ZNF211: variants seen among roughly 807,000 people sequenced by gnomAD.
The protein encoded by ZNF211 is zinc finger protein C2H2-25.
ZNF211 carries 18 observed loss-of-function variants against 12.1 expected under a neutral mutation model. The observed-to-expected ratio is 1.48, with a 90% CI of 1.03 to 2.20. The LOEUF is 2.20. Ranked by LOEUF, ZNF211 falls within the 30% of genes most tolerant of loss-of-function variation. ZNF211 has a pLI of 0.00. For missense variants in ZNF211, 677 were observed against 703.1 expected, an observed-to-expected ratio of 0.96 and a Z score of 0.42; for synonymous variants, 249 against 246.0, an observed-to-expected ratio of 1.01 and a Z score of -0.11.
At position 57,634,619 on chromosome 19, in the gene ZNF211, A is replaced by G. The variant is rs574455900; in HGVS notation, c.130-10A>G. 2 of 1,564,542 alleles carry G rather than the reference A, an allele frequency of 1.3e-6. No homozygotes were observed. Among genetic ancestry groups the G allele is most frequent in the East Asian group, 2.4e-5 (1 of 42,486 alleles). ...ACTGTTCATGGTTTCATCAATCCCT[A>G]TTATGCTAGGGAAGTGTGACCTTTG... On this transcript the variant is annotated splice_polypyrimidine_tract_variant and intron_variant, in intron 2 of 3. Coordinates refer to ENST00000240731, the MANE Select transcript of ZNF211 (RefSeq NM_006385.5).
Position 57,643,816 on chromosome 19 carries a change from T to C in ZNF211, c.*1635T>C, listed in dbSNP as rs1299750618. On this transcript the variant is annotated 3_prime_UTR_variant, in exon 4 of 4. Coordinates refer to ENST00000240731, the MANE Select transcript of ZNF211 (RefSeq NM_006385.5). ...CCTTCATTTATAATAGGTTTGTTTG[T>C]ATTTTCTATAATATATGATTTTATT... 6.6e-6 allele frequency among the ~76,000 whole-genome samples: 1 copy of C among 152,256 alleles called. No individual in the cohort carries two copies. Among genetic ancestry groups the C allele is most frequent in the Non-Finnish European group, 1.5e-5 (1 of 68,048 alleles).
intron 3 of ZNF211, among the ~76,000 whole-genome samples, chr19:57,635,706 G>A (rs1982040558): frequency 6.6e-6 from 1 of 152,196 alleles, no homozygotes; most frequent in African/African-American, 2.4e-5. Context: ...TGGGTGTACA[G>A]ATACGTATTT....
chr19:57,641,888 C>T lies in ZNF211; in HGVS notation c.1441C>T (p.Leu481Phe). 1 of 1,614,192 alleles carries T rather than the reference C, an allele frequency of 6.2e-7. No homozygotes were observed. Among genetic ancestry groups the T allele is most frequent in the South Asian group, 1.1e-5 (1 of 91,088 alleles). Residue 481 changes from leucine (L) to phenylalanine (F), a missense_variant, in exon 4 of 4, where the codon CTT (leucine) becomes TTT (phenylalanine). Transcript: ENST00000240731. The stretch of plus-strand genomic sequence containing the variant: ...GAAATCCTTTAGCCATAGCTCCAAC[C>T]TTAAGAACCACCAGAGAGTTCACAC... ...CGKSFSHSSN[L>F]KNHQRVHTGE...
chr19:57,637,461 C>A (rs535863181), intron 3 of ZNF211, among the ~76,000 whole-genome samples: 45 of 152,200 alleles, frequency 3.0e-4, no homozygotes, highest in African/African-American at 8.9e-4. Flanking sequence ...TGCTATGTTA[C>A]ACAGGCTGGT....
intron 3 of ZNF211, among the ~76,000 whole-genome samples, chr19:57,638,253 T>G (rs1252565301): frequency 9.8e-6 from 1 of 101,608 alleles, no homozygotes; most frequent in Non-Finnish European, 2.0e-5. Flanking sequence ...TTTTGTTGAT[T>G]TTTTTTTTAT....
At position 57,641,404 on chromosome 19, in the gene ZNF211, T is replaced by C; in HGVS notation, c.957T>C (p.Val319=). 6.2e-7 allele frequency: 1 copy of C among 1,611,438 alleles called. No individual in the cohort carries two copies. Among genetic ancestry groups the C allele is most frequent in the Non-Finnish European group, 8.5e-7 (1 of 1,178,068 alleles). Residue 319 remains valine (V), a synonymous_variant, in exon 4 of 4, where the codon GTT becomes GTC. Transcript: ENST00000240731. ...CCAGTTTCATTATACATCAGAGAGT[T>C]CATACTGGAGAAAGGCCTTATGCGT... The part of the protein sequence containing the change: ...YYSSFIIHQR[V]HTGERPYACP...
At position 57,642,648 on chromosome 19, in the gene ZNF211, A is replaced by T. The variant is rs1403010968; in HGVS notation, c.*467A>T. ...CAAGAAGGACTGTCTTTTTCAAGACATACTGGTTTCATGTGACACCTCCAT... is the reference window on the plus strand; with the variant it reads ...CAAGAAGGACTGTCTTTTTCAAGACTTACTGGTTTCATGTGACACCTCCAT... On this transcript the variant is annotated 3_prime_UTR_variant, in exon 4 of 4. Transcript: ENST00000240731. 1 of 156,104 alleles carries T rather than the reference A, an allele frequency of 6.4e-6. No homozygotes were observed. Among genetic ancestry groups the T allele is most frequent in the African/African-American group, 2.4e-5 (1 of 41,556 alleles). The allele number at this position is 156,104 out of a possible 1,614,324, so 9.7% of individuals were successfully genotyped here.
intron 3 of ZNF211, among the ~76,000 whole-genome samples, chr19:57,639,035 CT>C (rs1982504076): frequency 1.3e-5 from 2 of 151,932 alleles, no homozygotes; most frequent in South Asian, 4.1e-4. Flanking sequence ...CTCTTTTTTG[CT>C]TGCTATTTGC....
At chr19:57,638,946 A>G (rs1385474977) in intron 3 of ZNF211, among the ~76,000 whole-genome samples, 1 of 152,198 alleles carries the variant, frequency 6.6e-6, no homozygotes, top group Non-Finnish European at 1.5e-5. Context: ...TTTTATTAGT[A>G]TATAATATCC....
In ZNF211 at chr19:57,633,270, G is replaced by C; in HGVS notation, c.-77G>C. ...TGGTACGCTGCATCGGGATCGAAGTGACGGACCGTGAAGGCGCGAGAGTCA... is the reference window on the plus strand; with the variant it reads ...TGGTACGCTGCATCGGGATCGAAGTCACGGACCGTGAAGGCGCGAGAGTCA... On this transcript the variant is annotated 5_prime_UTR_variant, in exon 1 of 4. Coordinates refer to ENST00000240731, the MANE Select transcript of ZNF211 (RefSeq NM_006385.5). The C allele has an allele frequency of 1.5e-6, 2 of 1,353,706 alleles. No individual in the cohort carries two copies. The highest frequency in any genetic ancestry group is 2.0e-6 in the Non-Finnish European group (2 of 1,015,576). 83.9% of individuals were successfully genotyped at this position (1,353,706 alleles called of 1,614,324 possible).
rs1424508076 is a variant in ZNF211 at position 57,633,595 on chromosome 19, A to C, written c.90+159A>C. The stretch of plus-strand genomic sequence containing the variant: ...GATGTGGTGGGCAGGGGGACAAGGG[A>C]CAGGACCGGCGCGTGCAGGGCTTGG... On this transcript the variant is annotated intron_variant, in intron 1 of 3. Transcript: ENST00000240731. 9.2e-6 allele frequency: 14 copies of C among 1,524,894 alleles called. No individual in the cohort carries two copies. The East Asian group carries it at 3.2e-4, about 35-fold the overall frequency. The allele number at this position is 1,524,894 out of a possible 1,614,324, so 94.5% of individuals were successfully genotyped here. A position where few individuals can be genotyped will look rare whatever the true frequency, so the allele number is the denominator to read the frequency against.
At position 57,633,686 on chromosome 19, in the gene ZNF211, T is replaced by C. The variant is rs1026671851; in HGVS notation, c.90+250T>C. 2.2e-5 allele frequency: 33 copies of C among 1,533,854 alleles called. No homozygotes were observed. The East Asian group carries it at 6.4e-4, about 30-fold the overall frequency. On this transcript the variant is annotated intron_variant, in intron 1 of 3. Transcript: ENST00000240731. ...ACATTGTTACTGCAGGGAACAAAGT[T>C]TGAGAGAGATCTACCTTTATTCTTA...
Position 57,641,910 on chromosome 19 carries a change from A to C in ZNF211, c.1463A>C (p.His488Pro). The change falls in exon 4 of 4, where the codon CAC becomes CCC. Residue 488 changes from histidine (H) to proline (P), a missense_variant. By Grantham distance (77) the His-to-Pro change is moderately conservative. Coordinates refer to ENST00000240731, the MANE Select transcript of ZNF211 (RefSeq NM_006385.5). ...AACCTTAAGAACCACCAGAGAGTTC[A>C]CACTGGAGAAAGACCTGTTGAGTGC... ...SSNLKNHQRVHTGERPVECSE... is the reference protein window; with the variant it reads ...SSNLKNHQRVPTGERPVECSE... 6.2e-7 allele frequency: 1 copy of C among 1,614,236 alleles called. No homozygotes were observed. Among genetic ancestry groups the C allele is most frequent in the Non-Finnish European group, 8.5e-7 (1 of 1,180,038 alleles).
At chr19:57,637,950 G>A (rs1982353907) in intron 3 of ZNF211, among the ~76,000 whole-genome samples, 1 of 148,630 alleles carries the variant, frequency 6.7e-6, no homozygotes. Context: ...CCAGGCTAGA[G>A]TGCAGTGGTG....
chr19:57,633,470 G>A, intron 1 of ZNF211, 34 bp downstream of exon 1: 1 of 1,565,094 alleles, frequency 6.4e-7, no homozygotes, highest in Admixed American at 1.9e-5. Context: ...TCCCCCGGCC[G>A]AGATTCTTAA....
In ZNF211 at chr19:57,641,153, T is replaced by C; in HGVS notation, c.706T>C (p.Tyr236His). ...NNSNKCAVAF[Y>H]SGKSHHNWGK... ...CAGTAACAAGTGTGCGGTGGCCTTTTACAGTGGAAAAAGTCATCACAACTG... is the reference window on the plus strand; with the variant it reads ...CAGTAACAAGTGTGCGGTGGCCTTTCACAGTGGAAAAAGTCATCACAACTG... Residue 236 changes from tyrosine (Y) to histidine (H), a missense_variant, in exon 4 of 4, where the codon TAC (tyrosine) becomes CAC (histidine). Transcript: ENST00000240731. The C allele has an allele frequency of 6.2e-7, 1 of 1,614,164 alleles. No individual in the cohort carries two copies. The highest frequency in any genetic ancestry group is 8.5e-7 in the Non-Finnish European group (1 of 1,180,026).
In ZNF211 at chr19:57,642,436, A is replaced by C. The variant is rs1357957461; in HGVS notation, c.*255A>C. 3 of 457,220 alleles carry C rather than the reference A, an allele frequency of 6.6e-6. No individual in the cohort carries two copies. Among genetic ancestry groups the C allele is most frequent in the African/African-American group, 1.9e-5 (1 of 51,592 alleles). 28.3% of individuals were successfully genotyped at this position (457,220 alleles called of 1,614,324 possible). A position where few individuals can be genotyped will look rare whatever the true frequency, so the allele number is the denominator to read the frequency against. ...AGGCAGAAGCCGTATCATGTCTACC[A>C]CCTGTGAGGTCCACACAGTGTGTAT... On this transcript the variant is annotated 3_prime_UTR_variant, in exon 4 of 4. Coordinates refer to ENST00000240731, the MANE Select transcript of ZNF211 (RefSeq NM_006385.5).
rs781434591 is a variant in ZNF211, at chr19:57,640,904, T to C, written c.457T>C (p.Cys153Arg). ...AAACTGCGGGCAGAAACTACACACA[T>C]GTGGAAAACAATTCTACATCAGTGC... is the stretch of plus-strand genomic sequence containing the variant. ...GTNCGQKLHT[C>R]GKQFYISANL... Residue 153 changes from cysteine to arginine, a missense_variant, in exon 4 of 4, where the codon TGT becomes CGT. By Grantham distance (180) the Cys-to-Arg change is radical. Transcript: ENST00000240731. 6.2e-7 allele frequency: 1 copy of C among 1,614,210 alleles called. No homozygotes were observed. Among genetic ancestry groups the C allele is most frequent in the Non-Finnish European group, 8.5e-7 (1 of 1,180,030 alleles).
chr19:57,637,374 A>G (rs1256361493), intron 3 of ZNF211, among the ~76,000 whole-genome samples: 4 of 152,028 alleles, frequency 2.6e-5, no homozygotes, highest in South Asian at 4.1e-4. Flanking sequence ...TTCCCCACGA[A>G]AAAGTGTTGC....
Sources: allele counts gnomAD v4.1 joint callset (sites outside exome capture counted in the v4.1 genomes callset), GRCh38; gene constraint gnomAD v4.1.1; transcripts MANE v1.5; gene names NCBI Gene and HGNC (gene_info 2026-07-23, HGNC 2026-07-21).